The following PPP6C variants were observed in gnomAD, a reference collection of about 807,000 sequenced individuals.
PPP6C encodes protein phosphatase 6 catalytic subunit.
A neutral mutation model predicts 39.8 loss-of-function variants in PPP6C; 11 were observed. That is an observed-to-expected ratio of 0.28 (90% confidence interval 0.17 to 0.46). The LOEUF (loss-of-function observed/expected upper bound fraction) is 0.46, where lower values mean the gene tolerates loss of function less well. Among genes scored for constraint, PPP6C ranks in the 20% least tolerant of loss-of-function variants. The pLI is 1.00. For missense variants in PPP6C, 211 were observed against 373.9 expected (o/e 0.56, Z 3.59); for synonymous variants, 129 against 130.3 (o/e 0.99, Z 0.07).
chr9:125,177,819 C>T (rs916353470), intron 1 of PPP6C, among the ~76,000 whole-genome samples: 3 of 152,204 alleles, frequency 2.0e-5, no homozygotes, highest in African/African-American at 7.2e-5. Flanking sequence ...ATTCACCTCC[C>T]TCCAACCTCT....
At chr9:125,188,242 A>C (rs904129828) in intron 1 of PPP6C, among the ~76,000 whole-genome samples, 1 of 151,942 alleles carries the variant, frequency 6.6e-6, no homozygotes, top group South Asian at 2.1e-4. Context: ...AAAATTAGCC[A>C]GGCGTGGTGG....
In PPP6C at chr9:125,166,709, T is replaced by A. The variant is rs143574285; in HGVS notation, c.171+4376A>T. On this transcript the variant is annotated intron_variant, in intron 2 of 6. Transcript: ENST00000373547. The stretch of plus-strand genomic sequence containing the variant: ...CACCACACCTGGCAATTTTTTATAT[T>A]TTTTAGTAAAGATGGGGTTTTGCCA... 3.6e-3 allele frequency among the ~76,000 whole-genome samples: 550 copies of A among 152,058 alleles called. 4 individuals carry two copies. The highest frequency in any genetic ancestry group is 0.017 in the Middle Eastern group (5 of 294).
chr9:125,150,421 G>GGGGT (rs1554720640), intron 6 of PPP6C, among the ~76,000 whole-genome samples: 1 of 149,856 alleles, frequency 6.7e-6, no homozygotes, highest in African/African-American at 2.5e-5. Flanking sequence ...CAATATAAGG[G>GGGGT]GTGTGTGTGT....
chr9:125,149,947 T>C, intron 6 of PPP6C, 26 bp from the exon 7 acceptor site: 1 of 1,599,476 alleles, frequency 6.3e-7, no homozygotes, highest in Non-Finnish European at 8.5e-7. Context: ...GCACTGTAAG[T>C]ACTTAGCACT....
At chr9:125,185,735 A>C (rs1829515585) in intron 1 of PPP6C, among the ~76,000 whole-genome samples, 1 of 151,832 alleles carries the variant, frequency 6.6e-6, no homozygotes, top group Non-Finnish European at 1.5e-5. Flanking sequence ...CTATAATCCC[A>C]GCACTTTGGG....
At chr9:125,150,991 T>C (rs1172283661) in intron 6 of PPP6C, 1 of 1,353,978 alleles carries the variant, frequency 7.4e-7, no homozygotes, top group South Asian at 1.2e-5. Context: ...AAACATGCTA[T>C]CTGTGGCAGG....
chr9:125,155,420 A>AC (rs1836044499), intron 4 of PPP6C, among the ~76,000 whole-genome samples: 1 of 152,206 alleles, frequency 6.6e-6, no homozygotes, highest in Non-Finnish European at 1.5e-5. Context: ...TTGTTATGTA[A>AC]ACTTGCCATA....
chr9:125,189,512 C>T, intron 1 of PPP6C, 132 bp downstream of exon 1: 6 of 1,484,936 alleles, frequency 4.0e-6, no homozygotes, highest in African/African-American at 2.9e-5. Flanking sequence ...CGGGTAGGAC[C>T]GGGTCGACTG....
Position 125,153,972 on chromosome 9 carries a change from G to T in PPP6C, c.393C>A (p.Thr131=), listed in dbSNP as rs998424052. 5.0e-6 allele frequency: 8 copies of T among 1,608,456 alleles called. No individual in the cohort carries two copies. In the African/African-American group the frequency reaches 1.1e-4, roughly 22 times the overall value. The change falls in exon 5 of 7, where the codon ACC becomes ACA. Residue 131 remains threonine, a synonymous_variant. Transcript: ENST00000373547. The part of the protein sequence containing the change: ...QVYGFYDECQ[T]KYGNANAWRY... ...TCCAGGCATTAGCATTTCCATATTT[G>T]GTTTGGCACTCATCTGTGAAAGAAA...
chr9:125,189,455 C>A lies in PPP6C; in HGVS notation c.75+189G>T, dbSNP rs917721005. On this transcript the variant is annotated intron_variant, in intron 1 of 6. Coordinates refer to ENST00000373547, the MANE Select transcript of PPP6C (RefSeq NM_002721.5). ...CCCTCGGGATCCCCACTGAGGCAAC[C>A]GGGACAGCATTCGACGACTCGGCTC... is the stretch of plus-strand genomic sequence containing the variant. 2.1e-6 allele frequency: 3 copies of A among 1,419,928 alleles called. No individual in the cohort carries two copies. In the South Asian group the frequency reaches 4.5e-5, roughly 21 times the overall value. 88.0% of individuals were successfully genotyped at this position (1,419,928 alleles called of 1,614,324 possible). A position where few individuals can be genotyped will look rare whatever the true frequency, so the allele number is the denominator to read the frequency against.
At chr9:125,173,226 C>A (rs561508596) in intron 1 of PPP6C, among the ~76,000 whole-genome samples, 1 of 151,874 alleles carries the variant, frequency 6.6e-6, no homozygotes, top group African/African-American at 2.4e-5. Context: ...GCCTGGCCAA[C>A]GTAGTGAAAC....
Position 125,155,900 on chromosome 9 carries a change from G to A in PPP6C, c.380-1915C>T, listed in dbSNP as rs1428504142. On this transcript the variant is annotated intron_variant, in intron 4 of 6. Transcript: ENST00000373547. Reference sequence around the variant, plus strand: ...AGCCTGGGTGACAGAGCGAGACTCCGTCTCAAAAAAAAAAAAAAAAAAAAG... The same window carrying A: ...AGCCTGGGTGACAGAGCGAGACTCCATCTCAAAAAAAAAAAAAAAAAAAAG... Among the ~76,000 whole-genome samples the A allele has an allele frequency of 2.5e-5, 3 of 119,846 alleles. No homozygotes were observed. In the South Asian group the frequency reaches 7.6e-4, roughly 31 times the overall value. 78.6% of individuals were successfully genotyped at this position (119,846 alleles called of 152,430 possible).
At chr9:125,155,468 A>G (rs1836045689) in intron 4 of PPP6C, among the ~76,000 whole-genome samples, 1 of 152,200 alleles carries the variant, frequency 6.6e-6, no homozygotes, top group African/African-American at 2.4e-5. Flanking sequence ...GCAGGCAGGG[A>G]TCTTGAACTT....
intron 1 of PPP6C, among the ~76,000 whole-genome samples, chr9:125,175,274 C>T (rs897230232): frequency 2.0e-5 from 3 of 151,820 alleles, no homozygotes; most frequent in Non-Finnish European, 4.4e-5. Context: ...GAACTTTGAG[C>T]CTTAAACTTT....
In PPP6C at chr9:125,171,183, A is replaced by G. The variant is rs746127869; in HGVS notation, c.76-3T>C. 6.5e-7 allele frequency: 1 copy of G among 1,549,372 alleles called. No homozygotes were observed. The highest frequency in any genetic ancestry group is 2.3e-5 in the East Asian group (1 of 44,060). On this transcript the variant is annotated splice_polypyrimidine_tract_variant and splice_region_variant and intron_variant, in intron 1 of 6. Coordinates refer to ENST00000373547, the MANE Select transcript of PPP6C (RefSeq NM_002721.5). ...TCACAAACGTAGTCACATAGCCGCT[A>G]TAAAAAGAGAAAATAAAAGGTAAAC...
Position 125,150,539 on chromosome 9 carries a change from G to A in PPP6C, c.670-618C>T, listed in dbSNP as rs115007019. On this transcript the variant is annotated intron_variant, in intron 6 of 6. Coordinates refer to ENST00000373547, the MANE Select transcript of PPP6C (RefSeq NM_002721.5). ...AAGTACTGCCTATCTTGAAGATGGC[G>A]GAGTAGCATCGCAAAGAGATTAGTA... The A allele has an allele frequency of 2.6e-3, 1,264 of 491,400 alleles. 12 individuals are homozygous for A. Among genetic ancestry groups the A allele is most frequent in the African/African-American group, 0.022 (1,101 of 50,300 alleles). 30.4% of individuals were successfully genotyped at this position (491,400 alleles called of 1,614,324 possible).
intron 1 of PPP6C, among the ~76,000 whole-genome samples, chr9:125,172,752 A>AACAC (rs368777039): frequency 9.2e-6 from 1 of 108,300 alleles, no homozygotes; most frequent in South Asian, 2.8e-4. Context: ...CACACACACA[A>AACAC]ACACACACAC....
intron 6 of PPP6C, chr9:125,151,251 T>C: frequency 6.7e-7 from 1 of 1,502,382 alleles, no homozygotes; most frequent in Non-Finnish European, 9.3e-7. Flanking sequence ...GACCGCATGG[T>C]GCTTGTGGGA....
chr9:125,168,667 C>A (rs1281030206), intron 2 of PPP6C, among the ~76,000 whole-genome samples: 1 of 149,470 alleles, frequency 6.7e-6, no homozygotes. Context: ...CCATATTTGC[C>A]AGGATGGTCT....
Sources: allele counts gnomAD v4.1 joint callset (sites outside exome capture counted in the v4.1 genomes callset), GRCh38; gene constraint gnomAD v4.1.1; transcripts MANE v1.5; gene names NCBI Gene and HGNC (gene_info 2026-07-23, HGNC 2026-07-21).